ADGB: variants seen among roughly 807,000 people sequenced by gnomAD.
The protein encoded by ADGB is androglobin, also known as calpain-7-like protein.
In ADGB, 172 loss-of-function variants were observed where a neutral mutation model predicts 210.5. The observed-to-expected ratio is 0.82, with a 90% CI of 0.72 to 0.93. The LOEUF is 0.93. Ranked by LOEUF, ADGB falls within the 40% of genes least tolerant of loss-of-function variation. The pLI is 0.00. For synonymous variants in ADGB, 658 were observed against 662.7 expected, an observed-to-expected ratio of 0.99 and a Z score of 0.11; for missense variants, 2,025 against 1,964.8, an observed-to-expected ratio of 1.03 and a Z score of -0.58.
intron 20 of ADGB, among the ~76,000 whole-genome samples, chr6:146,730,508 G>C (rs570570255): frequency 2.7e-4 from 41 of 152,266 alleles, no homozygotes; most frequent in African/African-American, 9.9e-4. Context: ...TGGTATAGGG[G>C]TGACCATCTG....
intron 35 of ADGB, among the ~76,000 whole-genome samples, chr6:146,804,671 T>C (rs1174154464): frequency 2.6e-5 from 4 of 152,208 alleles, no homozygotes; most frequent in African/African-American, 7.2e-5. Flanking sequence ...TCATTCTTTC[T>C]TATTCAGAGG....
intron 29 of ADGB, chr6:146,770,677 C>T (rs750154550): frequency 2.3e-6 from 1 of 438,818 alleles, no homozygotes; most frequent in East Asian, 7.4e-5. Flanking sequence ...TGTTCAGGCT[C>T]AACGAGAAAG....
chr6:146,608,537 G>A (rs1780662658), intron 1 of ADGB, among the ~76,000 whole-genome samples: 1 of 152,092 alleles, frequency 6.6e-6, no homozygotes, highest in South Asian at 2.1e-4. Flanking sequence ...TTTTAACACT[G>A]CTTTAGCAGT....
At chr6:146,736,458 CT>C in intron 22 of ADGB, 39 bp from the exon 23 acceptor site, 1 of 1,319,650 alleles carries the variant, frequency 7.6e-7, no homozygotes. Context: ...TTTCAGGCAT[CT>C]TAAAGCTTAA....
intron 35 of ADGB, 110 bp downstream of exon 35, chr6:146,802,121 T>C (rs748700431): frequency 1.3e-6 from 1 of 765,202 alleles, no homozygotes; most frequent in South Asian, 3.9e-5. Flanking sequence ...CTTGAAAACA[T>C]AGGTTTCTAT....
chr6:146,600,348 C>T (rs9497573), intron 1 of ADGB: 2,926 of 271,616 alleles, frequency 0.011, 68 homozygotes, highest in African/African-American at 0.06. Flanking sequence ...AGGCCGAGGA[C>T]GCCCTTCAGA....
At position 146,690,803 on chromosome 6, in the gene ADGB, G is replaced by A. The variant is rs186119188; in HGVS notation, c.1312-313G>A. Among the ~76,000 whole-genome samples, 3 of 152,164 alleles carry A rather than the reference G, an allele frequency of 2.0e-5. No homozygotes were observed. The East Asian group carries it at 5.8e-4, about 29-fold the overall frequency. On this transcript the variant is annotated intron_variant, in intron 10 of 35. Transcript: ENST00000397944. ...AAAGCATTAACCTGTAAAAATAATG[G>A]CTGATTAATTTTGGACTAACTGGTG...
chr6:146,664,053 T>C (rs560382021), intron 5 of ADGB, 148 bp from the exon 6 acceptor site: 5 of 737,194 alleles, frequency 6.8e-6, no homozygotes, highest in South Asian at 4.1e-5. Flanking sequence ...CAGAGTAGTA[T>C]TGAAATCCAG....
intron 23 of ADGB, among the ~76,000 whole-genome samples, chr6:146,738,352 C>T (rs1430915990): frequency 3.3e-5 from 5 of 149,916 alleles, no homozygotes; most frequent in African/African-American, 7.3e-5. Context: ...AGGGGAAGAA[C>T]TTCCCCCAAG....
intron 32 of ADGB, among the ~76,000 whole-genome samples, chr6:146,787,904 A>C (rs542041202): frequency 6.6e-6 from 1 of 151,676 alleles, no homozygotes; most frequent in African/African-American, 2.4e-5. Context: ...GGAACACTGA[A>C]TAGACTCAGA....
chr6:146,767,823 G>T (rs1211044767), intron 28 of ADGB, among the ~76,000 whole-genome samples: 1 of 152,138 alleles, frequency 6.6e-6, no homozygotes. Flanking sequence ...CAAACAGCTG[G>T]TTTGTGCTAA....
intron 3 of ADGB, among the ~76,000 whole-genome samples, chr6:146,649,416 C>G (rs567020831): frequency 1.3e-5 from 2 of 151,894 alleles, no homozygotes; most frequent in East Asian, 3.9e-4. Context: ...CTAGCAAAGG[C>G]AAACAAACAT....
intron 33 of ADGB, among the ~76,000 whole-genome samples, chr6:146,798,901 TA>T (rs1320384810): frequency 6.6e-6 from 1 of 151,906 alleles, no homozygotes; most frequent in Non-Finnish European, 1.5e-5. Flanking sequence ...TTAAATTATC[TA>T]AATATAGAGA....
At chr6:146,781,506 G>A (rs775522820) in intron 29 of ADGB, among the ~76,000 whole-genome samples, 7 of 151,090 alleles carry the variant, frequency 4.6e-5, no homozygotes, top group Admixed American at 2.0e-4. Flanking sequence ...TAAAAGTAGT[G>A]TTGAGAGAAA....
intron 27 of ADGB, 146 bp downstream of exon 27, chr6:146,752,860 T>G: frequency 1.5e-6 from 1 of 689,458 alleles, no homozygotes. Context: ...AGTATAGCAT[T>G]TGCATGTCAA....
chr6:146,718,220 G>A (rs922854407), intron 16 of ADGB, among the ~76,000 whole-genome samples: 4 of 151,914 alleles, frequency 2.6e-5, no homozygotes, highest in East Asian at 1.9e-4. Context: ...GGTGGCATGC[G>A]CCTGTAATCT....
At chr6:146,684,561 T>G (rs770182525) in intron 9 of ADGB, among the ~76,000 whole-genome samples, 9 of 152,144 alleles carry the variant, frequency 5.9e-5, no homozygotes, top group Non-Finnish European at 1.2e-4. Context: ...TCATAAACAT[T>G]CATTCTTTTT....
At chr6:146,657,854 C>A (rs1224979319) in intron 5 of ADGB, among the ~76,000 whole-genome samples, 1 of 152,102 alleles carries the variant, frequency 6.6e-6, no homozygotes, top group African/African-American at 2.4e-5. Context: ...AAAAGGAAAG[C>A]AAATAGAATA....
At chr6:146,770,843 G>A (rs1777640394) in intron 29 of ADGB, among the ~76,000 whole-genome samples, 2 of 152,038 alleles carry the variant, frequency 1.3e-5, no homozygotes, top group Non-Finnish European at 2.9e-5. Flanking sequence ...TTGAACGAGT[G>A]GCTGTGCTAC....
Sources: gnomAD v4.1 joint callset for allele counts (sites outside exome capture counted in the v4.1 genomes callset) on GRCh38, gnomAD v4.1.1 for gene constraint, MANE v1.5 for transcripts, NCBI Gene and HGNC (gene_info 2026-07-23, HGNC 2026-07-21) for gene names.